PTK2: variants seen among roughly 807,000 people sequenced by gnomAD.
PTK2 encodes the protein protein tyrosine kinase 2, also known as focal adhesion kinase 1.
Under a neutral mutation model 150.1 loss-of-function variants are expected in PTK2, and 45 were observed. The observed-to-expected ratio is 0.30, with a 90% CI of 0.24 to 0.38. The LOEUF is 0.38. PTK2 is among the 10% of genes least tolerant of loss of function. The probability of loss-of-function intolerance (pLI) is 1.00; values close to 1 mark genes in which losing one functional copy is unlikely to be tolerated. For synonymous variants in PTK2, 432 were observed against 449.2 expected (o/e 0.96, Z 0.48); for missense variants, 919 against 1,307.3 (o/e 0.70, Z 4.58).
intron 13 of PTK2, 74 bp downstream of exon 13, chr8:140,793,280 G>A: frequency 1.3e-6 from 2 of 1,489,156 alleles, no homozygotes; most frequent in African/African-American, 1.4e-5. Flanking sequence ...TTAGGAAAAT[G>A]AATAATAAAG....
intron 1 of PTK2, among the ~76,000 whole-genome samples, chr8:140,966,191 GTA>G (rs2100185222): frequency 6.6e-6 from 1 of 152,072 alleles, no homozygotes; most frequent in Non-Finnish European, 1.5e-5. Context: ...GTTCACCATT[GTA>G]TACCCAACAG....
Position 140,879,524 on chromosome 8 carries a change from G to A in PTK2, c.309C>T (p.Gly103=), listed in dbSNP as rs956356931. 29 of 1,613,244 alleles carry A rather than the reference G, an allele frequency of 1.8e-5. No individual in the cohort carries two copies. The highest frequency in any genetic ancestry group is 2.2e-5 in the South Asian group (2 of 91,050). The change falls in exon 4 of 32, where the codon GGC becomes GGT. Residue 103 remains glycine, a synonymous_variant. Transcript: ENST00000522684. ...CATACTTCTCCCTCACACTGGAGAC[G>A]CCCATATCCACGTGAAGCCAGTGAA...
chr8:140,680,348 C>T (rs969154554), intron 27 of PTK2, among the ~76,000 whole-genome samples: 3 of 152,180 alleles, frequency 2.0e-5, no homozygotes, highest in African/African-American at 7.2e-5. Context: ...CTGCCTCAGC[C>T]TTCTGAGTAG....
intron 1 of PTK2, among the ~76,000 whole-genome samples, chr8:140,994,092 GTA>G (rs2100196737): frequency 6.6e-6 from 1 of 152,144 alleles, no homozygotes; most frequent in Non-Finnish European, 1.5e-5. Context: ...TAAAGAAAAT[GTA>G]TATCAGTAAG....
intron 1 of PTK2, among the ~76,000 whole-genome samples, chr8:140,957,120 A>G (rs191300964): frequency 2.0e-5 from 3 of 152,228 alleles, no homozygotes; most frequent in Non-Finnish European, 4.4e-5. Flanking sequence ...AATACAGAAA[A>G]GCTCATAGAA....
chr8:140,763,064 G>A (rs2154549563), intron 15 of PTK2, among the ~76,000 whole-genome samples: 1 of 152,246 alleles, frequency 6.6e-6, no homozygotes, highest in East Asian at 1.9e-4. Context: ...TTACAGATGT[G>A]CGCCACCATG....
At chr8:140,749,470 A>C (rs1301929747) in intron 17 of PTK2, among the ~76,000 whole-genome samples, 2 of 152,190 alleles carry the variant, frequency 1.3e-5, no homozygotes, top group African/African-American at 4.8e-5. Flanking sequence ...ACTCTACCCA[A>C]ACTGAACTAA....
intron 14 of PTK2, among the ~76,000 whole-genome samples, 179 bp downstream of exon 14, chr8:140,789,295 A>C (rs1030138833): frequency 3.9e-5 from 6 of 152,068 alleles, no homozygotes; most frequent in East Asian, 3.8e-4. Context: ...AAAAAAAAAA[A>C]AAACTATGAG....
At chr8:140,776,037 T>C (rs1324237411) in intron 14 of PTK2, among the ~76,000 whole-genome samples, 1 of 152,212 alleles carries the variant, frequency 6.6e-6, no homozygotes, top group Non-Finnish European at 1.5e-5. Flanking sequence ...AGAGTCTTGC[T>C]GTGTCCATCC....
At chr8:140,801,496 C>T (rs537391900) in intron 11 of PTK2, among the ~76,000 whole-genome samples, 2 of 152,316 alleles carry the variant, frequency 1.3e-5, no homozygotes, top group African/African-American at 4.8e-5. Flanking sequence ...AACCCCATCT[C>T]TTGTCAATTA....
At chr8:140,729,537 C>T (rs1334595958) in intron 22 of PTK2, among the ~76,000 whole-genome samples, 2 of 152,180 alleles carry the variant, frequency 1.3e-5, no homozygotes, top group Non-Finnish European at 2.9e-5. Context: ...AAGCCATGTC[C>T]CCCTCAAAGC....
chr8:140,827,010 C>T (rs1180008681), intron 8 of PTK2, among the ~76,000 whole-genome samples: 1 of 152,114 alleles, frequency 6.6e-6, no homozygotes. Flanking sequence ...TTGATCATTG[C>T]ACATCTCATC....
chr8:140,756,322 CAAA>C (rs575587628), intron 16 of PTK2, among the ~76,000 whole-genome samples: 2 of 91,348 alleles, frequency 2.2e-5, no homozygotes, highest in Non-Finnish European at 2.4e-5. Context: ...GGCTCCATCT[CAAA>C]AAAAAAAAAA....
chr8:140,684,422 T>C (rs2153669113), intron 27 of PTK2, among the ~76,000 whole-genome samples: 1 of 152,370 alleles, frequency 6.6e-6, no homozygotes, highest in South Asian at 2.1e-4. Flanking sequence ...ATTCACCTCC[T>C]GCTGTGTGGC....
intron 22 of PTK2, among the ~76,000 whole-genome samples, chr8:140,725,954 G>T (rs2100045507): frequency 6.6e-6 from 1 of 151,794 alleles, no homozygotes; most frequent in African/African-American, 2.4e-5. Context: ...GGATTTAAAA[G>T]AAGCTATTAT....
chr8:140,785,574 G>A (rs1450283279), intron 14 of PTK2, among the ~76,000 whole-genome samples: 1 of 152,156 alleles, frequency 6.6e-6, no homozygotes, highest in Non-Finnish European at 1.5e-5. Context: ...GAACTCTTTG[G>A]TTGTGAAGAA....
intron 12 of PTK2, among the ~76,000 whole-genome samples, chr8:140,799,553 C>G (rs968787144): frequency 2.0e-5 from 3 of 152,176 alleles, no homozygotes; most frequent in African/African-American, 7.2e-5. Flanking sequence ...AGGTATCATT[C>G]TTTTACAGAT....
chr8:140,893,808 A>AAT (rs1217079078), intron 2 of PTK2, among the ~76,000 whole-genome samples: 31 of 152,316 alleles, frequency 2.0e-4, no homozygotes, highest in African/African-American at 6.5e-4. Flanking sequence ...TGAAAATATA[A>AAT]ATATATAAAC....
At chr8:140,662,778 T>C (rs2082553284) in intron 31 of PTK2, 1 of 545,774 alleles carries the variant, frequency 1.8e-6, no homozygotes, top group African/African-American at 1.8e-5. Context: ...ATTATTTATG[T>C]TGTATTCCTG....
Sources: gnomAD v4.1 joint callset for allele counts (sites outside exome capture counted in the v4.1 genomes callset) on GRCh38, gnomAD v4.1.1 for gene constraint, MANE v1.5 for transcripts, NCBI Gene and HGNC (gene_info 2026-07-23, HGNC 2026-07-21) for gene names.